Variants in CEP120 observed in about 807,000 individuals in gnomAD.
CEP120 encodes centrosomal protein 120.
CEP120 carries 113 observed loss-of-function variants against 126.5 expected under a neutral mutation model. The observed-to-expected ratio is 0.89, with a 90% CI of 0.77 to 1.04. CEP120 has a LOEUF of 1.04. CEP120 is among the 50% of genes least tolerant of loss of function. CEP120 has a pLI of 0.00. For missense variants in CEP120, 1,230 were observed against 1,155.7 expected, an observed-to-expected ratio of 1.06 and a Z score of -0.93; for synonymous variants, 400 against 394.3, an observed-to-expected ratio of 1.01 and a Z score of -0.17.
At chr5:123,374,767 A>G (rs966273667) in intron 16 of CEP120, among the ~76,000 whole-genome samples, 10 of 152,170 alleles carry the variant, frequency 6.6e-5, no homozygotes, top group Non-Finnish European at 1.0e-4. Context: ...AAACCTTTCT[A>G]AAGTCTCTCA....
intron 4 of CEP120, among the ~76,000 whole-genome samples, chr5:123,408,417 T>C (rs1773837971): frequency 6.7e-6 from 1 of 150,346 alleles, no homozygotes; most frequent in African/African-American, 2.4e-5. Context: ...AAATTACCCA[T>C]ACCAGAAATG....
chr5:123,346,604 C>A lies in CEP120; in HGVS notation c.2876G>T (p.Gly959Val), dbSNP rs1255118536. The change falls in exon 20 of 20, where the codon GGT becomes GTT. Residue 959 changes from glycine to valine, a missense_variant. Gly to Val is a moderately radical substitution (Grantham distance 109, BLOSUM62 -3). Transcript: ENST00000306467. Reference protein sequence around the residue: ...IEERDTLMRTGVYNHEDRIIS... With the variant: ...IEERDTLMRTVVYNHEDRIIS... The stretch of plus-strand genomic sequence containing the variant: ...TATTCGATCCTCGTGATTATACACA[C>A]CCGTTCTCATCAAAGTATCCCTTTC... 1.2e-6 allele frequency: 2 copies of A among 1,614,008 alleles called. No homozygotes were observed. The highest frequency in any genetic ancestry group is 2.2e-5 in the South Asian group (2 of 91,076).
chr5:123,422,443 C>T (rs980990130), intron 1 of CEP120: 1 of 1,413,656 alleles, frequency 7.1e-7, no homozygotes, highest in Non-Finnish European at 9.7e-7. Flanking sequence ...CCCAATAAAC[C>T]AATGTCATTC....
intron 14 of CEP120, among the ~76,000 whole-genome samples, chr5:123,378,864 AGAGTGAATGACATCATCCAAG>A (rs1771445508): frequency 6.6e-6 from 1 of 152,016 alleles, no homozygotes; most frequent in Non-Finnish European, 1.5e-5. Flanking sequence ...TAATGCCAAG[AGAGTGAATGACATCATCCAAG>A]GAGTGAGTAT....
At chr5:123,394,473 T>C (rs546107086) in intron 5 of CEP120, among the ~76,000 whole-genome samples, 38 of 152,306 alleles carry the variant, frequency 2.5e-4, no homozygotes, top group Middle Eastern at 3.4e-3. Flanking sequence ...ACTGATCTGA[T>C]AGGAGGCAGA....
chr5:123,371,672 T>C (rs985681216), intron 17 of CEP120, among the ~76,000 whole-genome samples: 1 of 151,906 alleles, frequency 6.6e-6, no homozygotes, highest in African/African-American at 2.4e-5. Context: ...CATGGAACCA[T>C]AAAAAGATTC....
chr5:123,422,167 T>C (rs968305421), intron 1 of CEP120, among the ~76,000 whole-genome samples: 8 of 152,208 alleles, frequency 5.3e-5, no homozygotes, highest in African/African-American at 4.8e-5. Context: ...TTCCATACTT[T>C]AAGTGCTCCC....
chr5:123,373,133 A>G (rs1265095798), intron 16 of CEP120, among the ~76,000 whole-genome samples: 2 of 152,172 alleles, frequency 1.3e-5, no homozygotes, highest in East Asian at 3.9e-4. Context: ...GACCACCAGA[A>G]GCAGAGAGGA....
intron 15 of CEP120, among the ~76,000 whole-genome samples, chr5:123,378,013 C>G (rs1771357528): frequency 6.6e-6 from 1 of 151,920 alleles, no homozygotes. Context: ...TTCTGCATGT[C>G]TAAAAGACAA....
intron 17 of CEP120, among the ~76,000 whole-genome samples, chr5:123,366,672 A>ACTCATCTTGACTATGAGGT (rs1770482475): frequency 6.6e-6 from 1 of 151,794 alleles, no homozygotes; most frequent in Non-Finnish European, 1.5e-5. Flanking sequence ...GTTCTTCTCA[A>ACTCATCTTGACTATGAGGT]CTCATCTTGA....
chr5:123,413,230 C>T (rs1032191582), intron 3 of CEP120, among the ~76,000 whole-genome samples: 3 of 151,676 alleles, frequency 2.0e-5, no homozygotes, highest in Non-Finnish European at 4.4e-5. Context: ...CATGATCACA[C>T]CACTGCACTC....
chr5:123,379,937 C>A (rs1171980377), intron 14 of CEP120, among the ~76,000 whole-genome samples: 1 of 152,076 alleles, frequency 6.6e-6, no homozygotes, highest in Non-Finnish European at 1.5e-5. Context: ...CTGATGTCTT[C>A]CTTCTCTGTG....
intron 18 of CEP120, among the ~76,000 whole-genome samples, chr5:123,354,289 G>T (rs1228069150): frequency 2.0e-5 from 3 of 152,004 alleles, no homozygotes; most frequent in African/African-American, 7.2e-5. Flanking sequence ...CAATCTTCTG[G>T]AATGTGTTGA....
chr5:123,355,075 G>A (rs757016552), intron 18 of CEP120, among the ~76,000 whole-genome samples: 2 of 151,822 alleles, frequency 1.3e-5, no homozygotes, highest in Non-Finnish European at 2.9e-5. Context: ...TGAGAATGAT[G>A]GTTTCCAGTT....
chr5:123,378,286 G>T (rs1771383257), intron 15 of CEP120, 50 bp downstream of exon 15: 6 of 1,340,148 alleles, frequency 4.5e-6, no homozygotes, highest in South Asian at 1.3e-5. Context: ...TTTCTACTTT[G>T]CAATAAACCC....
chr5:123,417,990 C>T (rs574593324), intron 2 of CEP120, among the ~76,000 whole-genome samples: 36 of 152,268 alleles, frequency 2.4e-4, no homozygotes, highest in African/African-American at 8.4e-4. Flanking sequence ...AATTATTAAA[C>T]GTAATGACAG....
In CEP120 at chr5:123,383,057, A is replaced by C. The variant is rs749553262; in HGVS notation, c.1789T>G (p.Ser597Ala). ...TAATCTTCTAGAGTCACTGTGTAAGAAAGATCTGCTATCCTGTTATTTGAT... is the reference window on the plus strand; with the variant it reads ...TAATCTTCTAGAGTCACTGTGTAAGCAAGATCTGCTATCCTGTTATTTGAT... The part of the protein sequence containing the change: ...QGSNNRIADL[S>A]YTVTLEDYGL... The change falls in exon 12 of 20, where the codon TCT becomes GCT. Residue 597 changes from serine (S) to alanine (A), a missense_variant. Transcript: ENST00000306467. The C allele has an allele frequency of 6.5e-7, 1 of 1,548,418 alleles. No individual in the cohort carries two copies. Among genetic ancestry groups the C allele is most frequent in the Non-Finnish European group, 8.9e-7 (1 of 1,124,196 alleles).
chr5:123,379,492 A>G (rs1211827556), intron 14 of CEP120, among the ~76,000 whole-genome samples: 1 of 152,104 alleles, frequency 6.6e-6, no homozygotes, highest in African/African-American at 2.4e-5. Flanking sequence ...ACCACAAAAC[A>G]CAGAAAATGA....
chr5:123,345,523 G>A lies in CEP120; in HGVS notation c.*996C>T, dbSNP rs2126954972. On this transcript the variant is annotated 3_prime_UTR_variant, in exon 20 of 20. Transcript: ENST00000306467. ...AAAACTTTTTCAGTACTCAGTAAAA[G>A]GAGGTGGGAAACGTTGCTTTGAGGA... The A allele has an allele frequency of 6.6e-6, 1 of 152,248 alleles. No homozygotes were observed. The highest frequency in any genetic ancestry group is 1.9e-4 in the East Asian group (1 of 5,184). The allele number at this position is 152,248 out of a possible 1,614,324, so 9.4% of individuals were successfully genotyped here.
Sources: gnomAD v4.1 joint callset for allele counts (sites outside exome capture counted in the v4.1 genomes callset) on GRCh38, gnomAD v4.1.1 for gene constraint, MANE v1.5 for transcripts, NCBI Gene and HGNC (gene_info 2026-07-23, HGNC 2026-07-21) for gene names.